NR2E1: variants seen among roughly 807,000 people sequenced by gnomAD.
NR2E1 encodes the protein nuclear receptor subfamily 2 group E member 1, also known as nuclear receptor TLX.
In NR2E1, 5 loss-of-function variants were observed where a neutral mutation model predicts 43.6. The ratio of observed to expected loss-of-function variants is 0.11; its 90% CI spans 0.06 to 0.24. The LOEUF (loss-of-function observed/expected upper bound fraction) is 0.24. Ranked by LOEUF, NR2E1 falls within the 10% of genes least tolerant of loss-of-function variation. The pLI is 1.00. For synonymous variants in NR2E1, 191 were observed against 195.5 expected, an observed-to-expected ratio of 0.98 and a Z score of 0.19; for missense variants, 287 against 496.7, an observed-to-expected ratio of 0.58 and a Z score of 4.01.
intron 3 of NR2E1, 51 bp from the exon 4 acceptor site, chr6:108,176,452 T>A: frequency 6.4e-7 from 1 of 1,565,628 alleles, no homozygotes; most frequent in Non-Finnish European, 8.8e-7. Context: ...GCAGCGGCTG[T>A]GTCTCGACGT....
chr6:108,171,015 C>T (rs1773802419), intron 1 of NR2E1, among the ~76,000 whole-genome samples: 1 of 152,142 alleles, frequency 6.6e-6, no homozygotes, highest in Non-Finnish European at 1.5e-5. Context: ...TGGTTCCAGC[C>T]GTGTTTGTTT....
chr6:108,170,145 G>T (rs1006681916), intron 1 of NR2E1, among the ~76,000 whole-genome samples: 6 of 151,774 alleles, frequency 4.0e-5, no homozygotes, highest in African/African-American at 7.3e-5. Flanking sequence ...TTCCACTGCC[G>T]CCCCTTCCCA....
chr6:108,176,207 A>G (rs1026118923), intron 3 of NR2E1: 2 of 448,312 alleles, frequency 4.5e-6, no homozygotes, highest in Non-Finnish European at 4.0e-6. Flanking sequence ...CCTGGTGGGG[A>G]GGAGCCCTGG....
intron 8 of NR2E1, among the ~76,000 whole-genome samples, chr6:108,185,386 A>ACACACACACG (rs1554258817): frequency 7.6e-6 from 1 of 131,280 alleles, no homozygotes; most frequent in Non-Finnish European, 1.6e-5. Context: ...TCTAACACAC[A>ACACACACACG]CACACACACA....
In NR2E1 at chr6:108,187,575, A is replaced by G. The variant is rs2114685324; in HGVS notation, c.*112A>G. The G allele has an allele frequency of 8.1e-7, 1 of 1,237,940 alleles. No individual in the cohort carries two copies. The highest frequency in any genetic ancestry group is 1.2e-6 in the Non-Finnish European group (1 of 851,150). 76.7% of individuals were successfully genotyped at this position (1,237,940 alleles called of 1,614,324 possible). A position where few individuals can be genotyped will look rare whatever the true frequency, so the allele number is the denominator to read the frequency against. ...AGGAAGCATATACCGGGGAATGTGT[A>G]GCCTTCAGGAAAAAAATGCCAATTG... On this transcript the variant is annotated 3_prime_UTR_variant, in exon 9 of 9. Coordinates refer to ENST00000368986, the MANE Select transcript of NR2E1 (RefSeq NM_003269.5).
In NR2E1 at chr6:108,188,465, C is replaced by T. The variant is rs887752492; in HGVS notation, c.*1002C>T. ...GCTAACAGCCTGAGACTCTTCAATG[C>T]CTTTCCGAAAACTGGTTTCTAGTAA... On this transcript the variant is annotated 3_prime_UTR_variant, in exon 9 of 9. Transcript: ENST00000368986. 1.3e-5 allele frequency: 2 copies of T among 149,020 alleles called. No individual in the cohort carries two copies. The highest frequency in any genetic ancestry group is 3.0e-5 in the Non-Finnish European group (2 of 67,768). 9.2% of individuals were successfully genotyped at this position (149,020 alleles called of 1,614,324 possible). A position where few individuals can be genotyped will look rare whatever the true frequency, so the allele number is the denominator to read the frequency against.
Position 108,181,595 on chromosome 6 carries a change from C to T in NR2E1, c.939C>T (p.Ala313=), listed in dbSNP as rs1773987251. ...TGAGAAGTTTCCGGAATGCTGCCGC[C>T]ATTGCAGCCCTTCAAGATGAGGCTC... The part of the protein sequence containing the change: ...SELRSFRNAA[A]IAALQDEAQL... The change falls in exon 8 of 9, where the codon GCC becomes GCT. Residue 313 remains alanine, a synonymous_variant. Coordinates refer to ENST00000368986, the MANE Select transcript of NR2E1 (RefSeq NM_003269.5). The T allele has an allele frequency of 2.5e-6, 4 of 1,614,240 alleles. No individual in the cohort carries two copies. The highest frequency in any genetic ancestry group is 3.4e-6 in the Non-Finnish European group (4 of 1,180,040).
chr6:108,174,413 C>G (rs557028557), intron 2 of NR2E1, among the ~76,000 whole-genome samples: 1 of 152,248 alleles, frequency 6.6e-6, no homozygotes, highest in African/African-American at 2.4e-5. Context: ...CAGCTCTTAA[C>G]GGAAGGAACT....
At chr6:108,173,199 A>G (rs1406854313) in intron 2 of NR2E1, among the ~76,000 whole-genome samples, 1 of 152,188 alleles carries the variant, frequency 6.6e-6, no homozygotes, top group Admixed American at 6.5e-5. Context: ...CTGGCGCTAG[A>G]TATTTATATA....
chr6:108,174,886 G>A lies in NR2E1; in HGVS notation c.222G>A (p.Arg74=), dbSNP rs768418921. 1 of 1,614,176 alleles carries A rather than the reference G, an allele frequency of 6.2e-7. No homozygotes were observed. Among genetic ancestry groups the A allele is most frequent in the Non-Finnish European group, 8.5e-7 (1 of 1,180,038 alleles). The change falls in exon 3 of 9, where the codon CGG becomes CGA. Residue 74 remains arginine, a synonymous_variant. Coordinates refer to ENST00000368986, the MANE Select transcript of NR2E1 (RefSeq NM_003269.5). ...KTHRNQCRAC[R]LKKCLEVNMN... is the part of the protein sequence containing the mutation. Reference sequence around the variant, plus strand: ...ACAGAAACCAGTGCAGGGCGTGTCGGCTGAAGAAGTGTTTGGAAGTCAACA... The same window carrying A: ...ACAGAAACCAGTGCAGGGCGTGTCGACTGAAGAAGTGTTTGGAAGTCAACA...
At chr6:108,168,709 T>C (rs390116) in intron 1 of NR2E1, 149,563 of 152,562 alleles carry the variant, frequency 0.98, 73,323 homozygotes, top group East Asian at 1. Flanking sequence ...AACCCGAGAC[T>C]TGCGTCCCTC....
Position 108,166,848 on chromosome 6 carries a change from G to C in NR2E1, c.25+58G>C. The stretch of plus-strand genomic sequence containing the variant: ...GCGCGCAGCCTGGGGCGAGCGAGCG[G>C]GGAGGCTGGGGGAGGTCCTGCCTGG... On this transcript the variant is annotated intron_variant, in intron 1 of 8. Transcript: ENST00000368986. This position sits in a 1 kb window ranked among gnomAD's most constrained non-coding sequence, Gnocchi z 7.2. The C allele has an allele frequency of 6.7e-7, 1 of 1,497,620 alleles. No individual in the cohort carries two copies. The highest frequency in any genetic ancestry group is 9.1e-7 in the Non-Finnish European group (1 of 1,100,670). The allele number at this position is 1,497,620 out of a possible 1,614,324, so 92.8% of individuals were successfully genotyped here. A position where few individuals can be genotyped will look rare whatever the true frequency, so the allele number is the denominator to read the frequency against.
chr6:108,174,122 G>C (rs905033538), intron 2 of NR2E1, among the ~76,000 whole-genome samples: 1 of 152,086 alleles, frequency 6.6e-6, no homozygotes, highest in African/African-American at 2.4e-5. Context: ...ATCTTCTCTA[G>C]GCCTTGCCCT....
At position 108,178,098 on chromosome 6, in the gene NR2E1, C is replaced by T; in HGVS notation, c.499C>T (p.Pro167Ser). 1 of 1,614,164 alleles carries T rather than the reference C, an allele frequency of 6.2e-7. No individual in the cohort carries two copies. The highest frequency in any genetic ancestry group is 8.5e-7 in the Non-Finnish European group (1 of 1,180,032). The part of the protein sequence containing the change: ...VSLAQPTPKY[P>S]HEVNGTPMYL... Reference sequence around the variant, plus strand: ...TCTTTCTTTCTTCCCTACCCAGTACCCCCATGAAGTGAATGGGACCCCAAT... The same window carrying T: ...TCTTTCTTTCTTCCCTACCCAGTACTCCCATGAAGTGAATGGGACCCCAAT... Residue 167 changes from proline (P) to serine (S), a missense_variant, in exon 5 of 9, where the codon CCC becomes TCC. Transcript: ENST00000368986.
At position 108,178,197 on chromosome 6, in the gene NR2E1, G is replaced by A. The variant is rs968588038; in HGVS notation, c.598G>A (p.Ala200Thr). ...ARLLFMSIKW[A>T]KSVPAFSTLS... ...ACTTCTCTTCATGAGCATCAAGTGGGCTAAGAGTGTGCCAGCCTTCTCCAC... is the reference window on the plus strand; with the variant it reads ...ACTTCTCTTCATGAGCATCAAGTGGACTAAGAGTGTGCCAGCCTTCTCCAC... Residue 200 changes from alanine to threonine, a missense_variant, in exon 5 of 9, where the codon GCT becomes ACT. By Grantham distance (58) the Ala-to-Thr change is moderately conservative. Around this residue, in one of 4 missense-constraint regions of NR2E1, gnomAD observed 119 missense variants for 155.7 expected, o/e 0.76. Transcript: ENST00000368986. 5.0e-6 allele frequency: 8 copies of A among 1,614,152 alleles called. No individual in the cohort carries two copies. The highest frequency in any genetic ancestry group is 6.8e-6 in the Non-Finnish European group (8 of 1,180,024).
At chr6:108,168,240 GT>G (rs1469541252) in intron 1 of NR2E1, 5 of 1,418,238 alleles carry the variant, frequency 3.5e-6, no homozygotes, top group Non-Finnish European at 3.8e-6. Flanking sequence ...GGCCGTTTCT[GT>G]TGCATTCTGA....
chr6:108,174,778 C>A (rs1582444498), intron 2 of NR2E1, 58 bp from the exon 3 acceptor site: 1 of 1,472,380 alleles, frequency 6.8e-7, no homozygotes, highest in Non-Finnish European at 9.5e-7. Context: ...CGGGTGCCGG[C>A]TCCGGGTCTC....
chr6:108,179,284 A>G (rs1773947704), intron 5 of NR2E1: 1 of 152,228 alleles, frequency 6.6e-6, no homozygotes, highest in African/African-American at 2.4e-5. Context: ...ACTTGATGGA[A>G]TAAAACTAAA....
intron 1 of NR2E1, chr6:108,168,213 T>C: frequency 6.6e-7 from 1 of 1,524,238 alleles, no homozygotes; most frequent in East Asian, 2.3e-5. Context: ...TGAGTGTCCT[T>C]CCCAGGAGGC....
Sources: allele counts gnomAD v4.1 joint callset (sites outside exome capture counted in the v4.1 genomes callset), GRCh38; gene constraint gnomAD v4.1.1; regional missense constraint gnomAD v4.1.1; non-coding constraint Gnocchi (gnomAD v3.1); transcripts MANE v1.5; gene names NCBI Gene and HGNC (gene_info 2026-07-23, HGNC 2026-07-21).